MAD1L1: variants seen among roughly 807,000 people sequenced by gnomAD.
The protein encoded by MAD1L1 is mitotic arrest deficient 1 like 1.
A neutral mutation model predicts 96.9 loss-of-function variants in MAD1L1; 95 were observed. The ratio of observed to expected loss-of-function variants is 0.98; its 90% CI spans 0.83 to 1.16. MAD1L1 has a LOEUF of 1.16. Among genes scored for constraint, MAD1L1 ranks in the 50% most tolerant of loss-of-function variants. The pLI is 0.00. For missense variants in MAD1L1, 1,007 were observed against 954.4 expected (o/e 1.06, Z -0.73); for synonymous variants, 473 against 396.6 (o/e 1.19, Z -2.29).
In MAD1L1 at chr7:1,903,650, G is replaced by A. The variant is rs577254302; in HGVS notation, c.1808-5260C>T. 3.5e-3 allele frequency among the ~76,000 whole-genome samples: 518 copies of A among 146,018 alleles called. 1 individual carries two copies. The highest frequency in any genetic ancestry group is 5.5e-3 in the Admixed American group (82 of 14,786). On this transcript the variant is annotated intron_variant, in intron 17 of 18. Coordinates refer to ENST00000265854, the MANE Select transcript of MAD1L1 (RefSeq NM_001013836.2). The stretch of plus-strand genomic sequence containing the variant: ...CATGATTGATGAAGCACTGTTCCAG[G>A]CAGTGAGGACGCAGTGGCCTATGGA...
chr7:1,941,071 A>G (rs993539379), intron 16 of MAD1L1, among the ~76,000 whole-genome samples: 2 of 70,760 alleles, frequency 2.8e-5, no homozygotes, highest in Non-Finnish European at 6.3e-5. Flanking sequence ...GGAGGTAGTG[A>G]CCATCCTAGA....
At chr7:1,860,187 T>G (rs56005109) in intron 18 of MAD1L1, among the ~76,000 whole-genome samples, 1 of 144,958 alleles carries the variant, frequency 6.9e-6, no homozygotes, top group Non-Finnish European at 1.5e-5. Context: ...GCGGCCTCTG[T>G]GTCCCTAGAC....
chr7:2,000,080 C>T (rs553213048), intron 14 of MAD1L1, among the ~76,000 whole-genome samples: 1 of 152,252 alleles, frequency 6.6e-6, no homozygotes, highest in East Asian at 1.9e-4. Context: ...GACCCCAGGG[C>T]ACCGACTCAA....
chr7:2,098,556 A>C (rs535415368), intron 11 of MAD1L1, among the ~76,000 whole-genome samples: 20 of 152,206 alleles, frequency 1.3e-4, no homozygotes, highest in Non-Finnish European at 2.8e-4. Context: ...TGCCTGGTTA[A>C]CAAGTCAGGA....
chr7:2,139,989 CCG>C (rs923794864), intron 11 of MAD1L1, among the ~76,000 whole-genome samples: 19 of 150,212 alleles, frequency 1.3e-4, no homozygotes, highest in African/African-American at 4.7e-4. Context: ...TATCTGGACC[CCG>C]CCCCCCCCCA....
At chr7:1,836,735 T>C (rs1782954402) in intron 18 of MAD1L1, among the ~76,000 whole-genome samples, 1 of 152,154 alleles carries the variant, frequency 6.6e-6, no homozygotes, top group South Asian at 2.1e-4. Flanking sequence ...ATGATCTTGA[T>C]GCTGGAGTAA....
chr7:2,164,142 C>T (rs966266636), intron 10 of MAD1L1, among the ~76,000 whole-genome samples: 5 of 152,166 alleles, frequency 3.3e-5, no homozygotes, highest in Admixed American at 6.5e-5. Context: ...ACTTGTATAA[C>T]GAACCGCTGT....
intron 15 of MAD1L1, among the ~76,000 whole-genome samples, chr7:1,971,439 C>T (rs1265318218): frequency 1.3e-5 from 2 of 152,222 alleles, no homozygotes; most frequent in East Asian, 1.9e-4. Context: ...AGGGGTTAAT[C>T]AACTATACAT....
intron 18 of MAD1L1, among the ~76,000 whole-genome samples, chr7:1,827,926 A>G (rs1782512369): frequency 6.6e-6 from 1 of 152,168 alleles, no homozygotes; most frequent in Non-Finnish European, 1.5e-5. Flanking sequence ...GGCGAGGCCC[A>G]TGCTGCTGGC....
chr7:1,920,962 A>C (rs1788754620), intron 17 of MAD1L1, among the ~76,000 whole-genome samples: 1 of 152,240 alleles, frequency 6.6e-6, no homozygotes, highest in African/African-American at 2.4e-5. Flanking sequence ...CCTCCTGCAA[A>C]GCTCGGCTCT....
At chr7:2,002,819 C>T (rs1346955986) in intron 13 of MAD1L1, among the ~76,000 whole-genome samples, 1 of 152,218 alleles carries the variant, frequency 6.6e-6, no homozygotes. Context: ...TGACCCTGCA[C>T]CCATGACCTG....
chr7:2,004,085 T>G (rs562047949), intron 13 of MAD1L1, among the ~76,000 whole-genome samples: 1 of 152,010 alleles, frequency 6.6e-6, no homozygotes, highest in African/African-American at 2.4e-5. Flanking sequence ...CCTCAGCACA[T>G]GGGAGGCAGC....
intron 10 of MAD1L1, among the ~76,000 whole-genome samples, chr7:2,171,721 G>A (rs1473612787): frequency 6.6e-6 from 1 of 151,846 alleles, no homozygotes; most frequent in African/African-American, 2.4e-5. Context: ...GCAGCTGGAG[G>A]GTGGAGATGG....
chr7:1,903,603 T>C (rs1419169310), intron 17 of MAD1L1, among the ~76,000 whole-genome samples: 10 of 136,422 alleles, frequency 7.3e-5, no homozygotes, highest in South Asian at 2.5e-4. Context: ...CAGTGGCCTA[T>C]TGAAGAAGCT....
chr7:2,096,494 G>C (rs1222836873), intron 11 of MAD1L1, among the ~76,000 whole-genome samples: 1 of 152,098 alleles, frequency 6.6e-6, no homozygotes, highest in Non-Finnish European at 1.5e-5. Flanking sequence ...GAATTTGTTA[G>C]CTGCCTTCAT....
At chr7:1,937,175 G>A (rs752031873) in intron 16 of MAD1L1, among the ~76,000 whole-genome samples, 33 of 152,176 alleles carry the variant, frequency 2.2e-4, no homozygotes, top group African/African-American at 1.7e-4. Flanking sequence ...GGGGACATGC[G>A]GCCTTTGCTC....
intron 18 of MAD1L1, among the ~76,000 whole-genome samples, chr7:1,884,389 G>A (rs1785881209): frequency 6.6e-6 from 1 of 152,192 alleles, no homozygotes; most frequent in Non-Finnish European, 1.5e-5. Context: ...GGAAGCCTGA[G>A]GTGAGCCCTG....
chr7:2,016,736 T>A (rs998652097), intron 12 of MAD1L1, among the ~76,000 whole-genome samples: 5 of 152,262 alleles, frequency 3.3e-5, no homozygotes, highest in Non-Finnish European at 7.3e-5. Flanking sequence ...GTGGACTTCA[T>A]AATTAGCTGA....
intron 13 of MAD1L1, among the ~76,000 whole-genome samples, chr7:2,012,157 C>T (rs1562605743): frequency 1.3e-5 from 2 of 152,218 alleles, no homozygotes; most frequent in Admixed American, 6.5e-5. Context: ...CCAAGCTGCC[C>T]GGCAAGGGGG....
Sources: gnomAD v4.1 joint callset for allele counts (sites outside exome capture counted in the v4.1 genomes callset) on GRCh38, gnomAD v4.1.1 for gene constraint, MANE v1.5 for transcripts, NCBI Gene and HGNC (gene_info 2026-07-23, HGNC 2026-07-21) for gene names.